Variants in WARS1 observed in about 807,000 individuals in gnomAD.
WARS1 encodes tryptophan--tRNA ligase, cytoplasmic.
A neutral mutation model predicts 47.8 loss-of-function variants in WARS1; 17 were observed. The observed-to-expected ratio is 0.36, with a 90% CI of 0.24 to 0.53. The LOEUF (loss-of-function observed/expected upper bound fraction) is 0.53, where lower values mean the gene tolerates loss of function less well. Among genes scored for constraint, WARS1 ranks in the 20% least tolerant of loss-of-function variants. WARS1 has a pLI of 0.91. For missense variants in WARS1, 434 were observed against 608.0 expected, an observed-to-expected ratio of 0.71 and a Z score of 3.01; for synonymous variants, 208 against 228.1, an observed-to-expected ratio of 0.91 and a Z score of 0.79.
chr14:100,341,929 C>T, intron 9 of WARS1: 1 of 227,568 alleles, frequency 4.4e-6, no homozygotes, highest in South Asian at 5.4e-5. Context: ...TAAGCCTCAT[C>T]ATCTCATCTT....
At chr14:100,367,537 G>A (rs962443263) in intron 2 of WARS1, among the ~76,000 whole-genome samples, 1 of 137,860 alleles carries the variant, frequency 7.3e-6, no homozygotes, top group African/African-American at 2.7e-5. Flanking sequence ...GCGGTGAGTC[G>A]AGATTGTGCC....
intron 3 of WARS1, 98 bp downstream of exon 3, chr14:100,361,610 T>C: frequency 7.7e-7 from 1 of 1,295,028 alleles, no homozygotes; most frequent in African/African-American, 1.5e-5. Context: ...TCACTGAATT[T>C]ATGATTAATT....
rs1402618507 is a variant in WARS1 at position 100,353,785 on chromosome 14, G to A, written c.627C>T (p.Asp209=). 3 of 1,614,032 alleles carry A rather than the reference G, an allele frequency of 1.9e-6. No homozygotes were observed. Among genetic ancestry groups the A allele is most frequent in the African/African-American group, 1.3e-5 (1 of 74,906 alleles). The part of the protein sequence containing the change: ...EKYLWKDLTL[D]QAYSYAVENA... Reference sequence around the variant, plus strand: ...TCTCCACAGCATAGCTATAGGCCTGGTCCAGGGTCAGGTCCTTCCACAGAT... The same window carrying A: ...TCTCCACAGCATAGCTATAGGCCTGATCCAGGGTCAGGTCCTTCCACAGAT... The change falls in exon 6 of 11, where the codon GAC becomes GAT. Residue 209 remains aspartate (D), a synonymous_variant. Transcript: ENST00000392882.
chr14:100,350,370 C>T (rs1024118679), intron 6 of WARS1, among the ~76,000 whole-genome samples: 4 of 120,654 alleles, frequency 3.3e-5, no homozygotes, highest in Admixed American at 1.2e-4. Flanking sequence ...CCAGTTTGGG[C>T]GACAGAGCAA....
At chr14:100,369,663 T>C (rs1039895435) in intron 1 of WARS1, among the ~76,000 whole-genome samples, 1 of 151,934 alleles carries the variant, frequency 6.6e-6, no homozygotes, top group African/African-American at 2.4e-5. Flanking sequence ...CTAAAAACTT[T>C]TGGCAAATTA....
At chr14:100,347,601 G>C (rs1023315160) in intron 6 of WARS1, among the ~76,000 whole-genome samples, 1 of 151,766 alleles carries the variant, frequency 6.6e-6, no homozygotes, top group Non-Finnish European at 1.5e-5. Flanking sequence ...TTTTGAGACA[G>C]AGTCTCACTC....
At chr14:100,344,216 GCAATT>G (rs1894374089) in intron 7 of WARS1, among the ~76,000 whole-genome samples, 1 of 152,070 alleles carries the variant, frequency 6.6e-6, no homozygotes, top group Non-Finnish European at 1.5e-5. Flanking sequence ...CCGAGTGCCT[GCAATT>G]GCAGGCGCGC....
intron 9 of WARS1, among the ~76,000 whole-genome samples, chr14:100,340,917 CTT>C (rs71113263): frequency 1.4e-4 from 19 of 137,212 alleles, no homozygotes; most frequent in Admixed American, 3.0e-4. Context: ...TTTTTCTTTT[CTT>C]TTTTTTTTTT....
chr14:100,342,288 T>C lies in WARS1; in HGVS notation c.1113+110A>G, dbSNP rs527671350. On this transcript the variant is annotated intron_variant, in intron 9 of 10. Coordinates refer to ENST00000392882, the MANE Select transcript of WARS1 (RefSeq NM_004184.4). ...ATCCTGGAGTTCAGCATTGCTACGG[T>C]GGCTGGGTGGCTGAGGCCCAAAGCA... 39 of 1,468,540 alleles carry C rather than the reference T, an allele frequency of 2.7e-5. 1 individual carries two copies. In the East Asian group the frequency reaches 8.5e-4, roughly 32 times the overall value. The allele number at this position is 1,468,540 out of a possible 1,614,324, so 91.0% of individuals were successfully genotyped here. A position where few individuals can be genotyped will look rare whatever the true frequency, so the allele number is the denominator to read the frequency against.
At chr14:100,359,999 G>C (rs1190908602) in intron 4 of WARS1, among the ~76,000 whole-genome samples, 1 of 152,154 alleles carries the variant, frequency 6.6e-6, no homozygotes, top group Non-Finnish European at 1.5e-5. Flanking sequence ...AAAGGGGGCT[G>C]CCTCAGCCCA....
chr14:100,351,807 C>T lies in WARS1; in HGVS notation c.725+1880G>A, dbSNP rs559222455. On this transcript the variant is annotated intron_variant, in intron 6 of 10. Coordinates refer to ENST00000392882, the MANE Select transcript of WARS1 (RefSeq NM_004184.4). ...AGAAGATCGAGACCATCCTGGCTAACACAGTGAAACCCCGTCTCTACTAAA... is the reference window on the plus strand; with the variant it reads ...AGAAGATCGAGACCATCCTGGCTAATACAGTGAAACCCCGTCTCTACTAAA... 7.6e-4 allele frequency among the ~76,000 whole-genome samples: 116 copies of T among 152,180 alleles called. 1 individual carries two copies. The highest frequency in any genetic ancestry group is 4.7e-3 in the Admixed American group (72 of 15,286).
intron 2 of WARS1, 56 bp downstream of exon 2, chr14:100,369,031 C>A (rs908414743): frequency 3.0e-6 from 4 of 1,328,000 alleles, no homozygotes; most frequent in Non-Finnish European, 1.0e-6. Context: ...GGAACACAAC[C>A]CTACAGACTT....
At chr14:100,375,717 G>T (rs547519318), upstream of WARS1, 1 of 152,342 alleles carries the variant, frequency 6.6e-6, no homozygotes, top group Admixed American at 6.5e-5. Flanking sequence ...GTGGGCGGTG[G>T]AAAGAGAAAC....
intron 3 of WARS1, 69 bp downstream of exon 3, chr14:100,361,639 A>G (rs1292577996): frequency 1.0e-5 from 15 of 1,486,306 alleles, no homozygotes; most frequent in Middle Eastern, 2.0e-4. Flanking sequence ...AAAAACATCA[A>G]TGGAATCAAC....
At chr14:100,349,107 T>C (rs1894812221) in intron 6 of WARS1, among the ~76,000 whole-genome samples, 1 of 152,202 alleles carries the variant, frequency 6.6e-6, no homozygotes, top group Non-Finnish European at 1.5e-5. Context: ...GGAGGGCACC[T>C]GCTTTTCACT....
At chr14:100,344,674 TGAG>T (rs1022050667) in intron 7 of WARS1, among the ~76,000 whole-genome samples, 22 of 149,370 alleles carry the variant, frequency 1.5e-4, no homozygotes, top group Admixed American at 1.4e-3. Flanking sequence ...ATCTAGGAAG[TGAG>T]GAGTGTCTCT....
chr14:100,369,801 C>T (rs1896230933), intron 1 of WARS1, among the ~76,000 whole-genome samples: 1 of 151,954 alleles, frequency 6.6e-6, no homozygotes, highest in African/African-American at 2.4e-5. Context: ...TCTCAGCCTC[C>T]TGAGGCTGCC....
chr14:100,360,611 C>T lies in WARS1; in HGVS notation c.365G>A (p.Arg122Lys), dbSNP rs1356957656. The change falls in exon 4 of 11, where the codon AGA (arginine) becomes AAA (lysine). Residue 122 changes from arginine to lysine, a missense_variant. By Grantham distance (26) the Arg-to-Lys change is conservative (BLOSUM62 2). This residue lies in a region of WARS1 where 347 missense variants were observed against 523.8 expected (regional missense o/e 0.66). Transcript: ENST00000392882. ...GTGGTGTGGTCTTTGGCCGGTGGCT[C>T]TCTCTATTCGGTTTATTAGCTCTTT... The part of the protein sequence containing the change: ...IDKELINRIE[R>K]ATGQRPHHFL... 2 of 1,613,914 alleles carry T rather than the reference C, an allele frequency of 1.2e-6. No individual in the cohort carries two copies. Among genetic ancestry groups the T allele is most frequent in the African/African-American group, 1.3e-5 (1 of 74,930 alleles).
At position 100,350,554 on chromosome 14, in the gene WARS1, C is replaced by G. The variant is rs376509085; in HGVS notation, c.725+3133G>C. Among the ~76,000 whole-genome samples the G allele has an allele frequency of 8.5e-5, 13 of 152,260 alleles. No homozygotes were observed. In the East Asian group the frequency reaches 1.7e-3, roughly 20 times the overall value. On this transcript the variant is annotated intron_variant, in intron 6 of 10. Coordinates refer to ENST00000392882, the MANE Select transcript of WARS1 (RefSeq NM_004184.4). Reference sequence around the variant, plus strand: ...GGGGTTGCTCAGGTGGTGGTCTTTTCACATGGACTGTTCAAAAGTTCATCT... The same window carrying G: ...GGGGTTGCTCAGGTGGTGGTCTTTTGACATGGACTGTTCAAAAGTTCATCT...
Sources: gnomAD v4.1 joint callset for allele counts (sites outside exome capture counted in the v4.1 genomes callset) on GRCh38, gnomAD v4.1.1 for gene constraint, gnomAD v4.1.1 regional missense constraint, MANE v1.5 for transcripts, NCBI Gene and HGNC (gene_info 2026-07-23, HGNC 2026-07-21) for gene names.